The following NCAM2 variants were observed in gnomAD, a reference collection of about 807,000 sequenced individuals.
NCAM2 encodes neural cell adhesion molecule 2.
A neutral mutation model predicts 98.1 loss-of-function variants in NCAM2; 30 were observed. That is an observed-to-expected ratio of 0.31 (90% CI 0.23 to 0.41). The LOEUF (loss-of-function observed/expected upper bound fraction) is 0.41, where lower values mean the gene tolerates loss of function less well. Among genes scored for constraint, NCAM2 ranks in the 10% least tolerant of loss-of-function variants. The pLI is 1.00. For synonymous variants in NCAM2, 368 were observed against 342.4 expected, an observed-to-expected ratio of 1.07 and a Z score of -0.83; for missense variants, 867 against 1,005.8, an observed-to-expected ratio of 0.86 and a Z score of 1.87.
chr21:21,091,202 G>T (rs941099934), intron 1 of NCAM2, among the ~76,000 whole-genome samples: 1 of 152,044 alleles, frequency 6.6e-6, no homozygotes, highest in African/African-American at 2.4e-5. Context: ...TGAGGTTTTT[G>T]TTTGTTTTTA....
chr21:21,311,528 A>T (rs1265868720), intron 5 of NCAM2, among the ~76,000 whole-genome samples: 1 of 151,912 alleles, frequency 6.6e-6, no homozygotes, highest in Non-Finnish European at 1.5e-5. Flanking sequence ...TTTTTAGTGG[A>T]GACGGGGTTT....
chr21:21,413,786 A>T (rs552899740), intron 10 of NCAM2, among the ~76,000 whole-genome samples: 1 of 152,198 alleles, frequency 6.6e-6, no homozygotes, highest in Non-Finnish European at 1.5e-5. Context: ...CTTACTGATC[A>T]GAATGTTGAT....
intron 1 of NCAM2, among the ~76,000 whole-genome samples, chr21:21,197,147 T>C (rs1250103535): frequency 6.6e-6 from 1 of 152,202 alleles, no homozygotes; most frequent in African/African-American, 2.4e-5. Flanking sequence ...TTTTGTTTTT[T>C]GAGACAGAGT....
chr21:21,534,610 A>T lies in NCAM2; in HGVS notation c.2356A>T (p.Ser786Cys), dbSNP rs1220637696. 6.2e-7 allele frequency: 1 copy of T among 1,610,948 alleles called. No homozygotes were observed. The highest frequency in any genetic ancestry group is 1.7e-5 in the Admixed American group (1 of 59,488). Reference protein sequence around the residue: ...DERVTNHEDGSPVNEPNETTP... With the variant: ...DERVTNHEDGCPVNEPNETTP... ...AAGAGTTACTAATCACGAAGATGGGAGCCCAGTAAATGAGCCAAATGAAAC... is the reference window on the plus strand; with the variant it reads ...AAGAGTTACTAATCACGAAGATGGGTGCCCAGTAAATGAGCCAAATGAAAC... Residue 786 changes from serine (S) to cysteine (C), a missense_variant, in exon 17 of 18, where the codon AGC becomes TGC. Around this residue, in one of 5 missense-constraint regions of NCAM2, gnomAD observed 125 missense variants for 116.1 expected, o/e 1.08. Transcript: ENST00000400546.
rs112406284 is a variant in NCAM2, at chr21:21,170,429, G to C, written c.56-110149G>C. Among the ~76,000 whole-genome samples, 584 of 152,228 alleles carry C rather than the reference G, an allele frequency of 3.8e-3. 4 individuals carry two copies. The highest frequency in any genetic ancestry group is 0.013 in the African/African-American group (558 of 41,544). ...CAGTCAAATAATGAAAAGTCATGGA[G>C]GAAACTTAAGTGCATATTACCAAGT... On this transcript the variant is annotated intron_variant, in intron 1 of 17. Coordinates refer to ENST00000400546, the MANE Select transcript of NCAM2 (RefSeq NM_004540.5).
intron 1 of NCAM2, among the ~76,000 whole-genome samples, chr21:21,230,310 C>CT (rs767061287): frequency 9.3e-5 from 14 of 150,832 alleles, no homozygotes; most frequent in Non-Finnish European, 1.5e-4. Flanking sequence ...CATTGTCTCA[C>CT]TTTTTTTTGA....
intron 16 of NCAM2, among the ~76,000 whole-genome samples, chr21:21,529,595 G>A (rs775064652): frequency 7.9e-5 from 12 of 151,662 alleles, no homozygotes; most frequent in African/African-American, 2.9e-4. Context: ...AATCATTCTC[G>A]AAGCTGTTTT....
chr21:21,025,108 T>G (rs986015844), intron 1 of NCAM2, among the ~76,000 whole-genome samples: 2 of 151,648 alleles, frequency 1.3e-5, no homozygotes, highest in African/African-American at 4.8e-5. Context: ...TTTTTTGAGA[T>G]GGAGTCTCGC....
chr21:21,296,491 G>A (rs1181646439), intron 5 of NCAM2, among the ~76,000 whole-genome samples: 2 of 151,740 alleles, frequency 1.3e-5, no homozygotes, highest in African/African-American at 4.8e-5. Context: ...AAGAACAATG[G>A]TGTGTTGGTT....
intron 5 of NCAM2, among the ~76,000 whole-genome samples, chr21:21,315,107 C>G (rs957129237): frequency 2.0e-5 from 3 of 152,102 alleles, no homozygotes; most frequent in Non-Finnish European, 1.5e-5. Context: ...TTGTTTAGAT[C>G]AGACAACAAA....
chr21:21,197,983 TCTC>T (rs2069067182), intron 1 of NCAM2, among the ~76,000 whole-genome samples: 1 of 152,160 alleles, frequency 6.6e-6, no homozygotes, highest in African/African-American at 2.4e-5. Context: ...TCCATGCCTG[TCTC>T]CTCCTCTGCC....
chr21:21,003,535 A>G (rs961599584), intron 1 of NCAM2, among the ~76,000 whole-genome samples: 2 of 152,194 alleles, frequency 1.3e-5, no homozygotes, highest in South Asian at 2.1e-4. Context: ...ATGCTCGGCC[A>G]TGAGGAGCAA....
chr21:21,130,316 T>C (rs1344953975), intron 1 of NCAM2, among the ~76,000 whole-genome samples: 1 of 152,168 alleles, frequency 6.6e-6, no homozygotes, highest in Non-Finnish European at 1.5e-5. Flanking sequence ...CTGGGGAAAT[T>C]AATATTGTCA....
chr21:21,165,468 T>A (rs2067920831), intron 1 of NCAM2, among the ~76,000 whole-genome samples: 1 of 152,188 alleles, frequency 6.6e-6, no homozygotes, highest in East Asian at 1.9e-4. Flanking sequence ...ATGCAAGTAC[T>A]GGTGGCCAAC....
At chr21:21,184,610 C>T (rs1253722378) in intron 1 of NCAM2, among the ~76,000 whole-genome samples, 1 of 152,044 alleles carries the variant, frequency 6.6e-6, no homozygotes, top group African/African-American at 2.4e-5. Context: ...AATAACTAAT[C>T]CAGACCTCTA....
chr21:21,275,296 C>T (rs1020603115), intron 1 of NCAM2, among the ~76,000 whole-genome samples: 2 of 151,668 alleles, frequency 1.3e-5, no homozygotes, highest in Non-Finnish European at 2.9e-5. Flanking sequence ...AAAAATTAGC[C>T]GGGCGTGGTG....
At chr21:21,503,207 C>T (rs867762337) in intron 15 of NCAM2, among the ~76,000 whole-genome samples, 1 of 151,892 alleles carries the variant, frequency 6.6e-6, no homozygotes, top group Non-Finnish European at 1.5e-5. Flanking sequence ...TTTTCCTCTA[C>T]GTACATACCT....
intron 1 of NCAM2, among the ~76,000 whole-genome samples, chr21:21,178,815 A>G (rs1160095737): frequency 1.3e-5 from 2 of 152,054 alleles, no homozygotes; most frequent in South Asian, 2.1e-4. Flanking sequence ...AATGATTACT[A>G]TCACTACCTA....
rs373494307 is a variant in NCAM2, at chr21:21,173,377, C to T, written c.56-107201C>T. ...AGTAATACAGACTTGCTTAGAGGCA[C>T]ATTAATAGACTTTTTTTTCCGTTTC... is the stretch of plus-strand genomic sequence containing the variant. On this transcript the variant is annotated intron_variant, in intron 1 of 17. Transcript: ENST00000400546. 5.9e-5 allele frequency among the ~76,000 whole-genome samples: 9 copies of T among 152,232 alleles called. No individual in the cohort carries two copies. In the East Asian group the frequency reaches 1.4e-3, roughly 23 times the overall value.
Sources: gnomAD v4.1 joint callset for allele counts (sites outside exome capture counted in the v4.1 genomes callset) on GRCh38, gnomAD v4.1.1 for gene constraint, gnomAD v4.1.1 regional missense constraint, MANE v1.5 for transcripts, NCBI Gene and HGNC (gene_info 2026-07-23, HGNC 2026-07-21) for gene names.